Variants in ENTREP2 observed in about 807,000 individuals in gnomAD.
ENTREP2 encodes the protein endosomal transmembrane epsin interactor 2.
chr15:29,437,916 G>A, the ENTREP2 span, among the ~76,000 whole-genome samples: 4 of 152,198 alleles, frequency 2.6e-5, no homozygotes, highest in Non-Finnish European at 5.9e-5. Flanking sequence ...GTGGTATTCA[G>A]GAATGTCAGT....
chr15:29,417,658 A>AAAT, the ENTREP2 span, among the ~76,000 whole-genome samples: 205 of 151,784 alleles, frequency 1.4e-3, 3 homozygotes, highest in South Asian at 0.04. Context: ...ATAAAATTTA[A>AAAT]AATAATAATA....
At chr15:29,197,411 T>C in the ENTREP2 span, among the ~76,000 whole-genome samples, 2 of 152,216 alleles carry the variant, frequency 1.3e-5, no homozygotes, top group Non-Finnish European at 2.9e-5. Flanking sequence ...GGTAACATAC[T>C]GAGACTCTGT....
the ENTREP2 span, among the ~76,000 whole-genome samples, chr15:29,190,731 A>G: frequency 6.6e-6 from 1 of 152,176 alleles, no homozygotes; most frequent in Admixed American, 6.5e-5. Context: ...CCCCACATAA[A>G]TTGAGTTCAT....
At chr15:29,402,706 T>C in the ENTREP2 span, among the ~76,000 whole-genome samples, 3 of 152,140 alleles carry the variant, frequency 2.0e-5, no homozygotes, top group African/African-American at 7.2e-5. Flanking sequence ...GTGCATAATT[T>C]CCCTTCTGAG....
At chr15:29,126,600 G>A in the ENTREP2 span, 2 of 910,832 alleles carry the variant, frequency 2.2e-6, no homozygotes, top group Non-Finnish European at 1.7e-6. Flanking sequence ...AACCCTGGGG[G>A]TGCGGAAACA....
At chr15:29,371,603 C>T in the ENTREP2 span, among the ~76,000 whole-genome samples, 1 of 151,788 alleles carries the variant, frequency 6.6e-6, no homozygotes, top group Non-Finnish European at 1.5e-5. Flanking sequence ...GGAGATTGCA[C>T]CCATTAAATG....
the ENTREP2 span, among the ~76,000 whole-genome samples, chr15:29,422,976 G>C: frequency 1.3e-5 from 2 of 152,182 alleles, no homozygotes; most frequent in Non-Finnish European, 2.9e-5. Flanking sequence ...ATAGGTGAGT[G>C]TGTCTTTAAT....
the ENTREP2 span, among the ~76,000 whole-genome samples, chr15:29,261,239 A>G: frequency 5.9e-5 from 9 of 152,306 alleles, no homozygotes; most frequent in East Asian, 1.9e-4. Context: ...TTAGCTAGGC[A>G]TGGTGGTGCT....
the ENTREP2 span, among the ~76,000 whole-genome samples, chr15:29,649,288 T>C: frequency 6.6e-6 from 1 of 152,184 alleles, no homozygotes; most frequent in Non-Finnish European, 1.5e-5. Context: ...GGGAGTGCAT[T>C]GGCAGATATT....
chr15:29,378,498 C>G, the ENTREP2 span, among the ~76,000 whole-genome samples: 3 of 152,128 alleles, frequency 2.0e-5, no homozygotes, highest in Non-Finnish European at 4.4e-5. Context: ...TTAAGTAGAC[C>G]TTGAACAAAG....
chr15:29,356,769 C>T, the ENTREP2 span, among the ~76,000 whole-genome samples: 4 of 152,180 alleles, frequency 2.6e-5, no homozygotes, highest in East Asian at 7.7e-4. Context: ...ATTCCATGGT[C>T]AAGGCCATTT....
At chr15:29,344,138 A>C in the ENTREP2 span, among the ~76,000 whole-genome samples, 1 of 152,226 alleles carries the variant, frequency 6.6e-6, no homozygotes, top group Non-Finnish European at 1.5e-5. Context: ...AACTTGTGGC[A>C]ATCTGCAAAG....
At chr15:29,492,064 A>ATT in the ENTREP2 span, among the ~76,000 whole-genome samples, 1,465 of 148,048 alleles carry the variant, frequency 9.9e-3, 20 homozygotes, top group African/African-American at 0.035. Flanking sequence ...TGTTGGTTTG[A>ATT]TTTTTTTTTT....
At chr15:29,657,100 G>A in the ENTREP2 span, among the ~76,000 whole-genome samples, 3 of 152,084 alleles carry the variant, frequency 2.0e-5, no homozygotes, top group South Asian at 2.1e-4. Flanking sequence ...CACGCCAGAG[G>A]GCAGTGGCGC....
chr15:29,122,103 G>T, the ENTREP2 span: 1 of 152,218 alleles, frequency 6.6e-6, no homozygotes, highest in African/African-American at 2.4e-5. Context: ...TCACCGCAGG[G>T]CCCACCCAAC....
At chr15:29,674,138 G>GGGGGA in the ENTREP2 span, among the ~76,000 whole-genome samples, 8 of 149,998 alleles carry the variant, frequency 5.3e-5, no homozygotes, top group South Asian at 6.6e-4. Context: ...TGGGGGGGGG[G>GGGGGA]GGGGGCTTTG....
chr15:29,572,821 G>GCC, the ENTREP2 span, among the ~76,000 whole-genome samples: 134 of 145,698 alleles, frequency 9.2e-4, no homozygotes, highest in East Asian at 3.6e-3. Flanking sequence ...ACTACACAGT[G>GCC]CCCCCCCAAC....
chr15:29,292,672 C>T, the ENTREP2 span, among the ~76,000 whole-genome samples: 17 of 152,296 alleles, frequency 1.1e-4, no homozygotes, highest in South Asian at 2.1e-4. Context: ...TGAGCCACTG[C>T]GCCCAGCAAT....
the ENTREP2 span, among the ~76,000 whole-genome samples, chr15:29,278,878 C>T: frequency 2.0e-5 from 3 of 152,188 alleles, no homozygotes; most frequent in African/African-American, 7.2e-5. Flanking sequence ...AAAGTGATTC[C>T]TCACAGTTCT....
Sources: gnomAD v4.1 joint callset for allele counts (sites outside exome capture counted in the v4.1 genomes callset) on GRCh38, gnomAD v4.1.1 for gene constraint, MANE v1.5 for transcripts, NCBI Gene and HGNC (gene_info 2026-07-23, HGNC 2026-07-21) for gene names.